PREP: variants seen among roughly 807,000 people sequenced by gnomAD.
PREP encodes the protein dJ355L5.1 (prolyl endopeptidase).
In PREP, 29 loss-of-function variants were observed where a neutral mutation model predicts 87.6. The observed-to-expected ratio is 0.33, with a 90% CI of 0.25 to 0.45. PREP has a LOEUF of 0.45. PREP is among the 20% of genes least tolerant of loss of function. The pLI is 1.00. For missense variants in PREP, 695 were observed against 886.5 expected (o/e 0.78, Z 2.74); for synonymous variants, 337 against 328.6 (o/e 1.03, Z -0.28).
chr6:105,301,540 G>A (rs1194930992), intron 10 of PREP, among the ~76,000 whole-genome samples: 1 of 152,230 alleles, frequency 6.6e-6, no homozygotes, highest in Non-Finnish European at 1.5e-5. Flanking sequence ...GCATTAGAAG[G>A]TTGTCATCTT....
intron 2 of PREP, among the ~76,000 whole-genome samples, chr6:105,395,166 A>AAT (rs1554212632): frequency 1.3e-5 from 2 of 152,178 alleles, no homozygotes; most frequent in African/African-American, 4.8e-5. Context: ...CAATTTAAAA[A>AAT]ATATATATAT....
chr6:105,362,337 T>C (rs1363312447), intron 6 of PREP, among the ~76,000 whole-genome samples: 1 of 152,182 alleles, frequency 6.6e-6, no homozygotes, highest in Non-Finnish European at 1.5e-5. Context: ...GGCGTACGCC[T>C]TTAATCCCAA....
chr6:105,306,210 T>C (rs1036868662), intron 10 of PREP, among the ~76,000 whole-genome samples: 4 of 152,146 alleles, frequency 2.6e-5, no homozygotes, highest in African/African-American at 4.8e-5. Flanking sequence ...AACTGAATCA[T>C]GTTCACGAAA....
In PREP at chr6:105,276,132, T is replaced by TA. The variant is rs1769925944; in HGVS notation, c.*2011dup. 6.6e-6 allele frequency among the ~76,000 whole-genome samples: 1 copy of TA among 152,250 alleles called. No individual in the cohort carries two copies. Among genetic ancestry groups the TA allele is most frequent in the Non-Finnish European group, 1.5e-5 (1 of 68,042 alleles). ...AATCTCAAGTCTTATTTCTAATGTTTAAAGCTCCCCCTACTCCCCAAAATA... is the reference window on the plus strand; with the variant it reads ...AATCTCAAGTCTTATTTCTAATGTTTAAAAGCTCCCCCTACTCCCCAAAATA... On this transcript the variant is annotated 3_prime_UTR_variant, in exon 15 of 15. Transcript: ENST00000652536.
intron 10 of PREP, chr6:105,322,600 C>T (rs1275803955): frequency 3.0e-6 from 3 of 987,184 alleles, no homozygotes; most frequent in Non-Finnish European, 2.4e-6. Context: ...TATTTCAGGC[C>T]TTCTGGGACA....
intron 2 of PREP, among the ~76,000 whole-genome samples, chr6:105,393,527 T>A (rs1383867349): frequency 6.6e-6 from 1 of 152,192 alleles, no homozygotes; most frequent in Non-Finnish European, 1.5e-5. Flanking sequence ...GAAGCAAATC[T>A]AACGCTGATA....
chr6:105,394,271 A>C (rs755351053), intron 2 of PREP, among the ~76,000 whole-genome samples: 9 of 152,230 alleles, frequency 5.9e-5, no homozygotes, highest in Non-Finnish European at 1.3e-4. Flanking sequence ...ATTCAAAATA[A>C]CAATTTAAAC....
intron 10 of PREP, among the ~76,000 whole-genome samples, chr6:105,293,090 T>C (rs749931740): frequency 1.3e-5 from 2 of 152,228 alleles, no homozygotes; most frequent in African/African-American, 2.4e-5. Flanking sequence ...TTCACTGAAG[T>C]AGCACTTTCA....
chr6:105,355,446 G>A (rs1259778246), intron 6 of PREP, among the ~76,000 whole-genome samples: 1 of 152,176 alleles, frequency 6.6e-6, no homozygotes, highest in African/African-American at 2.4e-5. Flanking sequence ...GACTTGCACT[G>A]TTTCCACTGG....
chr6:105,367,340 T>A (rs1385063678), intron 6 of PREP, among the ~76,000 whole-genome samples: 1 of 151,694 alleles, frequency 6.6e-6, no homozygotes, highest in Non-Finnish European at 1.5e-5. Flanking sequence ...TAAAAACAAA[T>A]ACGTGAGAAA....
At chr6:105,311,309 G>C (rs955117418) in intron 10 of PREP, among the ~76,000 whole-genome samples, 4 of 152,092 alleles carry the variant, frequency 2.6e-5, no homozygotes, top group Non-Finnish European at 5.9e-5. Context: ...TCCCTAACAC[G>C]GCCATGAGGC....
In PREP at chr6:105,373,473, A is replaced by C. The variant is rs1772609359; in HGVS notation, c.491T>G (p.Leu164Arg). ...KFMKVDGAKE[L>R]PDVLERVKFS... ...CTTGACTCTTTCAAGCACATCTGGA[A>C]GCTCTTTGGCACCATCAACTTTCAT... Residue 164 changes from leucine (L) to arginine (R), a missense_variant, in exon 5 of 15, where the codon CTT (leucine) becomes CGT (arginine). Leu to Arg is a moderately radical substitution (Grantham distance 102, BLOSUM62 -2). Coordinates refer to ENST00000652536, the MANE Select transcript of PREP (RefSeq NM_002726.5). 5.0e-6 allele frequency: 8 copies of C among 1,614,222 alleles called. No individual in the cohort carries two copies. Among genetic ancestry groups the C allele is most frequent in the Non-Finnish European group, 5.9e-6 (7 of 1,180,038 alleles).
At chr6:105,333,939 C>T (rs1275507289) in intron 7 of PREP, among the ~76,000 whole-genome samples, 3 of 152,266 alleles carry the variant, frequency 2.0e-5, no homozygotes, top group East Asian at 3.9e-4. Context: ...GAGACATTTT[C>T]GGCTGTCACA....
chr6:105,329,089 T>C (rs1583058929), intron 8 of PREP, 63 bp from the exon 9 acceptor site: 1 of 1,448,434 alleles, frequency 6.9e-7, no homozygotes, highest in Non-Finnish European at 9.6e-7. Flanking sequence ...ACACATTTAA[T>C]TGAGCAACAG....
chr6:105,370,302 C>CAA (rs71549435), intron 5 of PREP, among the ~76,000 whole-genome samples: 7,150 of 77,508 alleles, frequency 0.092, 360 homozygotes, highest in South Asian at 0.13. Flanking sequence ...GACTCCATCT[C>CAA]AAAAAAAAAA....
rs1245240777 is a variant in PREP at position 105,278,378 on chromosome 6, C to T, written c.1899G>A (p.Met633Ile). The T allele has an allele frequency of 3.1e-6, 5 of 1,614,174 alleles. No homozygotes were observed. In the South Asian group the frequency reaches 4.4e-5, roughly 14 times the overall value. The change falls in exon 15 of 15, where the codon ATG (methionine) becomes ATA (isoleucine). Residue 633 changes from methionine (M) to isoleucine (I), a missense_variant. By Grantham distance (10) the Met-to-Ile change is conservative. Transcript: ENST00000652536. This position sits in a 1 kb window ranked among gnomAD's most constrained non-coding sequence, Gnocchi z 4.2. ...CATCATGGTCAGCAGTGAGGAGCAG[C>T]ATGGACGGGTACTGGATGTCATCTG... ...PEADDIQYPS[M>I]LLLTADHDDR...
chr6:105,315,777 G>C (rs1770850866), intron 10 of PREP, among the ~76,000 whole-genome samples: 1 of 152,216 alleles, frequency 6.6e-6, no homozygotes, highest in South Asian at 2.1e-4. Flanking sequence ...ATCAGCACTT[G>C]CTGCTTCACC....
chr6:105,366,236 G>A (rs376068317), intron 6 of PREP, among the ~76,000 whole-genome samples: 52 of 152,216 alleles, frequency 3.4e-4, no homozygotes, highest in Middle Eastern at 3.4e-3. Flanking sequence ...TAGCCTGGGC[G>A]ACAGAGCGAG....
Position 105,323,735 on chromosome 6 carries a change from T to A in PREP, c.1247A>T (p.Glu416Val). The change falls in exon 10 of 15, where the codon GAG becomes GTG. Residue 416 changes from glutamate to valine, a missense_variant. Glu to Val is a moderately radical substitution (Grantham distance 121). Around this residue, in one of 5 missense-constraint regions of PREP, gnomAD observed 517 missense variants for 620.3 expected, o/e 0.83. Coordinates refer to ENST00000652536, the MANE Select transcript of PREP (RefSeq NM_002726.5). ...IIYHCDLTKE[E>V]LEPRVFREVT... ...CTCTCGGAAAACTCTTGGCTCCAGC[T>A]CCTCTTTGGTAAGATCACAGTGATA... 1 of 1,613,740 alleles carries A rather than the reference T, an allele frequency of 6.2e-7. No individual in the cohort carries two copies. Among genetic ancestry groups the A allele is most frequent in the Non-Finnish European group, 8.5e-7 (1 of 1,179,590 alleles).
Sources: gnomAD v4.1 joint callset for allele counts (sites outside exome capture counted in the v4.1 genomes callset) on GRCh38, gnomAD v4.1.1 for gene constraint, gnomAD v4.1.1 regional missense constraint, Gnocchi (gnomAD v3.1) non-coding constraint, MANE v1.5 for transcripts, NCBI Gene and HGNC (gene_info 2026-07-23, HGNC 2026-07-21) for gene names.